Variants in AUTS2 observed in about 807,000 individuals in gnomAD.
AUTS2 encodes autism susceptibility gene 2 protein.
In AUTS2, 17 loss-of-function variants were observed where a neutral mutation model predicts 112.4. That is an observed-to-expected ratio of 0.15 (90% CI 0.10 to 0.23). AUTS2 has a LOEUF of 0.23. Among genes scored for constraint, AUTS2 ranks in the 10% least tolerant of loss-of-function variants. The pLI, the probability that AUTS2 is intolerant of heterozygous loss-of-function variation, is 1.00. For synonymous variants in AUTS2, 751 were observed against 702.7 expected, an observed-to-expected ratio of 1.07 and a Z score of -1.09; for missense variants, 1,510 against 1,701.6, an observed-to-expected ratio of 0.89 and a Z score of 1.98.
chr7:70,744,281 C>T (rs954095206), intron 6 of AUTS2, among the ~76,000 whole-genome samples: 2 of 152,140 alleles, frequency 1.3e-5, no homozygotes, highest in Non-Finnish European at 1.5e-5. Flanking sequence ...GGGTGAGTGA[C>T]ATGAGGCCAT....
intron 4 of AUTS2, among the ~76,000 whole-genome samples, chr7:70,434,090 G>A (rs1223414107): frequency 5.9e-5 from 9 of 152,096 alleles, no homozygotes; most frequent in Admixed American, 4.6e-4. Context: ...TGGACATCAC[G>A]TTCTTATACA....
At chr7:70,425,892 G>A (rs141640135) in intron 4 of AUTS2, among the ~76,000 whole-genome samples, 181 of 152,258 alleles carry the variant, frequency 1.2e-3, no homozygotes, top group African/African-American at 4.1e-3. Context: ...TGCTTCCTAT[G>A]TATCAGGCAG....
At chr7:70,242,734 C>T (rs1399256842) in intron 4 of AUTS2, among the ~76,000 whole-genome samples, 1 of 152,142 alleles carries the variant, frequency 6.6e-6, no homozygotes, top group Non-Finnish European at 1.5e-5. Flanking sequence ...TGTGTGTGCA[C>T]GTGCGCACAT....
chr7:70,703,469 C>T (rs537023485), intron 6 of AUTS2, among the ~76,000 whole-genome samples: 1 of 118,414 alleles, frequency 8.4e-6, no homozygotes, highest in Non-Finnish European at 1.6e-5. Context: ...ATAGCCTGGG[C>T]GACAGAGTGA....
intron 2 of AUTS2, among the ~76,000 whole-genome samples, chr7:69,920,402 T>C (rs1190178589): frequency 1.3e-5 from 2 of 151,974 alleles, no homozygotes; most frequent in African/African-American, 4.8e-5. Flanking sequence ...TCCTCCCGTT[T>C]CAGTCCCCTA....
intron 4 of AUTS2, among the ~76,000 whole-genome samples, chr7:70,245,144 G>GTGTGTATATATATATATATATATATA (rs1233136341): frequency 9.2e-6 from 1 of 108,996 alleles, no homozygotes; most frequent in African/African-American, 4.2e-5. Context: ...GTGTGTGTGT[G>GTGTGTATATATATATATATATATATA]TATATATATA....
At chr7:70,419,693 T>C (rs1795134262) in intron 4 of AUTS2, among the ~76,000 whole-genome samples, 2 of 152,160 alleles carry the variant, frequency 1.3e-5, no homozygotes, top group South Asian at 2.1e-4. Flanking sequence ...CTGATGCAAA[T>C]TGCAAAATTA....
chr7:69,602,040 ATGTGTGTGTGTG>A (rs6150156), intron 1 of AUTS2, among the ~76,000 whole-genome samples: 129 of 46,116 alleles, frequency 2.8e-3, no homozygotes, highest in East Asian at 5.5e-3. Flanking sequence ...ATATATATAT[ATGTGTGTGTGTG>A]TGTGTGTGTG....
intron 5 of AUTS2, among the ~76,000 whole-genome samples, chr7:70,580,111 A>T (rs1297713608): frequency 6.6e-6 from 1 of 152,104 alleles, no homozygotes; most frequent in Non-Finnish European, 1.5e-5. Context: ...GGTGGTGTGC[A>T]CTGGGCCTCA....
rs550242040 is a variant in AUTS2, at chr7:69,629,322, G to C, written c.309+29360G>C. Among the ~76,000 whole-genome samples the C allele has an allele frequency of 7.2e-5, 11 of 152,214 alleles. No individual in the cohort carries two copies. In the South Asian group the frequency reaches 2.3e-3, roughly 32 times the overall value. The stretch of plus-strand genomic sequence containing the variant: ...TTTATTATTGGTAATATGGAGCTGT[G>C]GTACTCCCTTTCTTCAGGGCTGTTT... On this transcript the variant is annotated intron_variant, in intron 1 of 18. Coordinates refer to ENST00000342771, the MANE Select transcript of AUTS2 (RefSeq NM_015570.4).
intron 1 of AUTS2, among the ~76,000 whole-genome samples, chr7:69,660,028 GA>G (rs1465617305): frequency 1.3e-5 from 2 of 152,132 alleles, no homozygotes; most frequent in African/African-American, 2.4e-5. Flanking sequence ...CCACCCTACT[GA>G]AAAATTACAT....
intron 2 of AUTS2, among the ~76,000 whole-genome samples, chr7:70,013,391 C>T (rs749012557): frequency 7.2e-5 from 11 of 152,306 alleles, no homozygotes; most frequent in South Asian, 2.1e-4. Flanking sequence ...GGGAATTCTG[C>T]TCAAGTCAAG....
chr7:70,784,840 T>C, intron 15 of AUTS2, 102 bp from the exon 16 acceptor site: 3 of 1,005,524 alleles, frequency 3.0e-6, no homozygotes, highest in South Asian at 2.8e-5. Flanking sequence ...ATGACCTCCC[T>C]TGAACATATT....
chr7:70,594,745 T>C (rs1369924318), intron 5 of AUTS2, among the ~76,000 whole-genome samples: 2 of 151,984 alleles, frequency 1.3e-5, no homozygotes, highest in Admixed American at 1.3e-4. Context: ...GGTGAGTGAG[T>C]GTGTTCACTT....
At chr7:69,805,838 T>G (rs1270667689) in intron 1 of AUTS2, among the ~76,000 whole-genome samples, 2 of 152,224 alleles carry the variant, frequency 1.3e-5, no homozygotes, top group South Asian at 2.1e-4. Flanking sequence ...CAGAAAGTTT[T>G]CTTTCTCCTG....
At chr7:70,573,917 A>G (rs1802052061) in intron 5 of AUTS2, among the ~76,000 whole-genome samples, 1 of 152,184 alleles carries the variant, frequency 6.6e-6, no homozygotes, top group South Asian at 2.1e-4. Context: ...CATATCGTGC[A>G]TCATCCAGAT....
intron 10 of AUTS2, among the ~76,000 whole-genome samples, chr7:70,768,877 C>CTTTTTTTTTTTTTTTTTTTTTTT (rs66614263): frequency 9.2e-6 from 1 of 108,216 alleles, no homozygotes; most frequent in Non-Finnish European, 1.8e-5. Flanking sequence ...CCAGTGATTT[C>CTTTTTTTTTTTTTTTTTTTTTTT]TTTTTTTTTT....
intron 4 of AUTS2, among the ~76,000 whole-genome samples, chr7:70,429,602 C>T (rs1171824723): frequency 6.6e-6 from 1 of 152,080 alleles, no homozygotes; most frequent in African/African-American, 2.4e-5. Flanking sequence ...CAACCAGGGC[C>T]GGACCACAAG....
intron 5 of AUTS2, among the ~76,000 whole-genome samples, chr7:70,493,394 A>T (rs1215106619): frequency 1.3e-5 from 2 of 152,174 alleles, no homozygotes; most frequent in African/African-American, 4.8e-5. Flanking sequence ...TGGCTAAGTG[A>T]GTGCATGGAT....
Sources: allele counts gnomAD v4.1 joint callset (sites outside exome capture counted in the v4.1 genomes callset), GRCh38; gene constraint gnomAD v4.1.1; transcripts MANE v1.5; gene names NCBI Gene and HGNC (gene_info 2026-07-23, HGNC 2026-07-21).